The following ASTN2 variants were observed in gnomAD, a reference collection of about 807,000 sequenced individuals.
The protein encoded by ASTN2 is astrotactin-2.
ASTN2 carries 54 observed loss-of-function variants against 139.8 expected under a neutral mutation model. The observed-to-expected ratio is 0.39, with a 90% CI of 0.31 to 0.48. ASTN2 has a LOEUF of 0.48. Among genes scored for constraint, ASTN2 ranks in the 20% least tolerant of loss-of-function variants. The pLI is 0.95. For synonymous variants in ASTN2, 756 were observed against 719.5 expected (o/e 1.05, Z -0.81); for missense variants, 1,565 against 1,725.1 (o/e 0.91, Z 1.64).
At chr9:116,589,688 C>G (rs60853238) in intron 19 of ASTN2, among the ~76,000 whole-genome samples, 24,592 of 152,174 alleles carry the variant, frequency 0.16, 2,178 homozygotes, top group African/African-American at 0.22. Flanking sequence ...TGACAACAGG[C>G]TCAAGCTTAG....
intron 19 of ASTN2, among the ~76,000 whole-genome samples, chr9:116,552,448 G>A (rs1169593522): frequency 1.3e-5 from 2 of 152,212 alleles, no homozygotes; most frequent in Non-Finnish European, 2.9e-5. Context: ...GCTAGTAGCA[G>A]GAACTTAGTA....
In ASTN2 at chr9:116,618,319, C is replaced by T; in HGVS notation, c.3355+5G>A. On this transcript the variant is annotated splice_donor_5th_base_variant and intron_variant, in intron 19 of 22. Transcript: ENST00000313400. ...TCCCAAGAAAATGGGAACTCATGTA[C>T]CTACCTGTGTACAGGTCAGTGTCTG... 1 of 1,611,844 alleles carries T rather than the reference C, an allele frequency of 6.2e-7. No individual in the cohort carries two copies. The highest frequency in any genetic ancestry group is 8.5e-7 in the Non-Finnish European group (1 of 1,179,180).
At chr9:117,322,182 T>G (rs1159579354) in intron 1 of ASTN2, among the ~76,000 whole-genome samples, 2 of 151,660 alleles carry the variant, frequency 1.3e-5, no homozygotes, top group Non-Finnish European at 2.9e-5. Context: ...GATAGACCCC[T>G]CCTCTGTTTG....
At chr9:117,032,659 C>T (rs1838281146) in intron 6 of ASTN2, among the ~76,000 whole-genome samples, 2 of 152,126 alleles carry the variant, frequency 1.3e-5, no homozygotes, top group African/African-American at 4.8e-5. Flanking sequence ...TCTAACAGCA[C>T]AAAGTCATGC....
Position 117,016,634 on chromosome 9 carries a change from A to AGGT in ASTN2, c.1424-8376_1424-8375insACC, listed in dbSNP as rs1564385923. The stretch of plus-strand genomic sequence containing the variant: ...TCTATATCTATCTATCTATATATAT[A>AGGT]TATATATATATATATATATATAACC... On this transcript the variant is annotated intron_variant, in intron 6 of 22. Coordinates refer to ENST00000313400, the MANE Select transcript of ASTN2 (RefSeq NM_001365068.1). Among the ~76,000 whole-genome samples the AGGT allele has an allele frequency of 5.2e-3, 103 of 19,906 alleles. 9 individuals carry two copies. The highest frequency in any genetic ancestry group is 0.013 in the South Asian group (8 of 606). The allele number at this position is 19,906 out of a possible 152,430, so 13.1% of individuals were successfully genotyped here. A position where few individuals can be genotyped will look rare whatever the true frequency, so the allele number is the denominator to read the frequency against.
intron 19 of ASTN2, among the ~76,000 whole-genome samples, chr9:116,500,535 T>A (rs1032523473): frequency 7.9e-5 from 12 of 152,190 alleles, no homozygotes; most frequent in Non-Finnish European, 1.6e-4. Flanking sequence ...CCTTACTGTG[T>A]CCCTCCAAAC....
chr9:117,317,638 C>A (rs1002486988), intron 1 of ASTN2, among the ~76,000 whole-genome samples: 2 of 152,150 alleles, frequency 1.3e-5, no homozygotes. Flanking sequence ...AGTGTCAAGC[C>A]CAGGGCTCTT....
intron 13 of ASTN2, among the ~76,000 whole-genome samples, chr9:116,785,715 C>T (rs1830355010): frequency 6.6e-6 from 1 of 152,060 alleles, no homozygotes; most frequent in Non-Finnish European, 1.5e-5. Flanking sequence ...TCTAGTTGTC[C>T]CACCTTCAGA....
At chr9:117,391,700 G>A (rs1830545961) in intron 1 of ASTN2, among the ~76,000 whole-genome samples, 1 of 152,088 alleles carries the variant, frequency 6.6e-6, no homozygotes, top group Non-Finnish European at 1.5e-5. Context: ...CTTCCCAACA[G>A]TCCCCCAAAG....
At chr9:116,482,542 C>T (rs994432065) in intron 20 of ASTN2, among the ~76,000 whole-genome samples, 3 of 152,076 alleles carry the variant, frequency 2.0e-5, no homozygotes, top group Non-Finnish European at 2.9e-5. Flanking sequence ...TGCAAGCCTC[C>T]GGGCTCACTG....
chr9:117,393,693 G>A (rs528789079), intron 1 of ASTN2, among the ~76,000 whole-genome samples: 5 of 152,184 alleles, frequency 3.3e-5, no homozygotes, highest in Non-Finnish European at 5.9e-5. Context: ...ATCCGCTCCT[G>A]TCTCGCAGGG....
intron 11 of ASTN2, 86 bp from the exon 12 acceptor site, chr9:116,820,869 T>A: frequency 7.3e-7 from 1 of 1,377,180 alleles, no homozygotes; most frequent in African/African-American, 1.4e-5. Flanking sequence ...GGAAGAGACA[T>A]GTGTCAGGGC....
intron 1 of ASTN2, among the ~76,000 whole-genome samples, chr9:117,340,256 G>A (rs892819426): frequency 6.8e-6 from 1 of 147,358 alleles, no homozygotes; most frequent in Non-Finnish European, 1.5e-5. Flanking sequence ...GGCTTGAACT[G>A]GGAAGGCGGA....
At chr9:116,634,878 T>A (rs1186917991) in intron 17 of ASTN2, among the ~76,000 whole-genome samples, 2 of 152,194 alleles carry the variant, frequency 1.3e-5, no homozygotes, top group East Asian at 1.9e-4. Flanking sequence ...CTATTTTTTT[T>A]ATGCCTACTC....
intron 20 of ASTN2, among the ~76,000 whole-genome samples, chr9:116,470,620 T>C (rs1326079079): frequency 6.6e-6 from 1 of 152,234 alleles, no homozygotes; most frequent in African/African-American, 2.4e-5. Flanking sequence ...CTTTATATAA[T>C]AGCCATTCAT....
intron 1 of ASTN2, among the ~76,000 whole-genome samples, chr9:117,346,822 T>C (rs1464712664): frequency 2.6e-5 from 4 of 152,098 alleles, no homozygotes; most frequent in South Asian, 2.1e-4. Context: ...CCTCAATATA[T>C]TCATTTCTCT....
At chr9:117,107,233 T>C (rs1333691285) in intron 4 of ASTN2, among the ~76,000 whole-genome samples, 1 of 152,182 alleles carries the variant, frequency 6.6e-6, no homozygotes, top group African/African-American at 2.4e-5. Flanking sequence ...AAATTTTACA[T>C]TGTTTCCAGT....
chr9:117,097,464 T>C (rs989914016), intron 4 of ASTN2, among the ~76,000 whole-genome samples: 1 of 152,060 alleles, frequency 6.6e-6, no homozygotes, highest in African/African-American at 2.4e-5. Context: ...TCTGAGGATG[T>C]TGGGGGTGAG....
chr9:117,123,979 C>T (rs935874942), intron 4 of ASTN2, among the ~76,000 whole-genome samples: 10 of 152,140 alleles, frequency 6.6e-5, no homozygotes, highest in Admixed American at 1.3e-4. Flanking sequence ...TGGCACGTAG[C>T]GTACACCCGA....
Sources: gnomAD v4.1 joint callset for allele counts (sites outside exome capture counted in the v4.1 genomes callset) on GRCh38, gnomAD v4.1.1 for gene constraint, MANE v1.5 for transcripts, NCBI Gene and HGNC (gene_info 2026-07-23, HGNC 2026-07-21) for gene names.